LRTM3: variants seen among roughly 807,000 people sequenced by gnomAD.
LRTM3 encodes the protein leucine-rich repeat transmembrane protein 3.
At chr13:102,737,016 T>G in the LRTM3 span, 4 of 1,551,158 alleles carry the variant, frequency 2.6e-6, no homozygotes, top group Non-Finnish European at 2.6e-6. Context: ...AGTTCACTTT[T>G]TCTTTCCTGT....
At chr13:102,752,160 C>G in the LRTM3 span, among the ~76,000 whole-genome samples, 13 of 152,256 alleles carry the variant, frequency 8.5e-5, no homozygotes, top group Admixed American at 3.3e-4. Context: ...GTTTTCATGT[C>G]CCCTGCTTCA....
chr13:102,733,808 A>C, the LRTM3 span: 5 of 1,551,436 alleles, frequency 3.2e-6, no homozygotes, highest in Non-Finnish European at 3.5e-6. Flanking sequence ...GCTGATCATG[A>C]AGTTTGAGGT....
chr13:102,747,167 T>C, the LRTM3 span: 1 of 1,550,862 alleles, frequency 6.4e-7, no homozygotes, highest in Middle Eastern at 1.7e-4. Context: ...ATACTTTTCT[T>C]CCCTTTCAAT....
At chr13:102,756,291 ATTC>A in the LRTM3 span, among the ~76,000 whole-genome samples, 5 of 142,022 alleles carry the variant, frequency 3.5e-5, no homozygotes, top group African/African-American at 1.3e-4. Flanking sequence ...CTAAGAGGTA[ATTC>A]TTCTAATCCT....
chr13:102,750,329 C>A, the LRTM3 span: 1 of 1,543,340 alleles, frequency 6.5e-7, no homozygotes, highest in South Asian at 1.2e-5. Context: ...TTCAAAGTTA[C>A]ATTCCTTTTC....
the LRTM3 span, chr13:102,738,031 T>C: frequency 2.6e-6 from 4 of 1,550,344 alleles, no homozygotes; most frequent in South Asian, 3.6e-5. Flanking sequence ...CCTTTTCTTG[T>C]CCTGCACCTC....
the LRTM3 span, chr13:102,738,825 C>T: frequency 6.5e-7 from 1 of 1,550,250 alleles, no homozygotes; most frequent in Non-Finnish European, 8.7e-7. Flanking sequence ...TGAATCTTTC[C>T]TCCTTTTTCT....
chr13:102,732,770 A>T, the LRTM3 span: 1 of 1,551,336 alleles, frequency 6.4e-7, no homozygotes, highest in East Asian at 2.4e-5. Flanking sequence ...TTGCAGATGT[A>T]AAGCTCTGTT....
the LRTM3 span, chr13:102,738,380 G>C: frequency 6.4e-7 from 1 of 1,550,862 alleles, no homozygotes; most frequent in Non-Finnish European, 8.7e-7. Flanking sequence ...GACATACTCT[G>C]CTTTTTCTCT....
chr13:102,738,137 G>T, the LRTM3 span: 97 of 1,550,768 alleles, frequency 6.3e-5, no homozygotes, highest in Non-Finnish European at 8.2e-5. Context: ...AGTATTCAAT[G>T]GTAGGTCCTG....
chr13:102,730,743 C>T, the LRTM3 span: 3 of 1,551,578 alleles, frequency 1.9e-6, no homozygotes, highest in South Asian at 3.6e-5. Context: ...TTTTTACACA[C>T]TGCAATTGTG....
the LRTM3 span, chr13:102,741,344 G>C: frequency 6.5e-7 from 1 of 1,549,332 alleles, no homozygotes; most frequent in Non-Finnish European, 8.7e-7. Context: ...GAAAGATTCA[G>C]AATCCAGAAT....
At chr13:102,731,718 C>T in the LRTM3 span, 6 of 1,551,314 alleles carry the variant, frequency 3.9e-6, no homozygotes, top group South Asian at 1.2e-5. Context: ...ATTTTGACTT[C>T]GCTACTTTTA....
At chr13:102,739,802 G>T in the LRTM3 span, 2 of 1,549,208 alleles carry the variant, frequency 1.3e-6, no homozygotes, top group Admixed American at 2.0e-5. Flanking sequence ...GTGAGGTAAA[G>T]AAAGAATAGA....
the LRTM3 span, chr13:102,741,322 G>A: frequency 1.3e-6 from 2 of 1,549,678 alleles, no homozygotes; most frequent in South Asian, 1.2e-5. Flanking sequence ...AGTGAAGAGG[G>A]TCCTTACTGA....
At chr13:102,754,829 G>T in the LRTM3 span, among the ~76,000 whole-genome samples, 11 of 152,128 alleles carry the variant, frequency 7.2e-5, no homozygotes, top group Admixed American at 6.6e-4. Flanking sequence ...AGCAGAACCA[G>T]TTGTAAATCA....
the LRTM3 span, among the ~76,000 whole-genome samples, chr13:102,754,205 CAAAA>C: frequency 6.5e-5 from 5 of 77,324 alleles, no homozygotes; most frequent in African/African-American, 1.7e-4. Context: ...ACTCCATCTC[CAAAA>C]AAAAAAAAAA....
chr13:102,733,842 G>A, the LRTM3 span: 14 of 1,551,246 alleles, frequency 9.0e-6, no homozygotes, highest in Middle Eastern at 1.7e-4. Context: ...GCCTCTGGGC[G>A]GGGCACATAC....
chr13:102,748,762 T>C, the LRTM3 span: 1 of 1,550,230 alleles, frequency 6.5e-7, no homozygotes, highest in Non-Finnish European at 8.7e-7. Context: ...CATTTGTTTC[T>C]ACTAGTAAAC....
Sources: allele counts gnomAD v4.1 joint callset (sites outside exome capture counted in the v4.1 genomes callset), GRCh38; gene constraint gnomAD v4.1.1; transcripts MANE v1.5; gene names NCBI Gene and HGNC (gene_info 2026-07-23, HGNC 2026-07-21).